Variants in ZSCAN18 observed in about 807,000 individuals in gnomAD.
ZSCAN18 encodes the protein zinc finger and SCAN domain-containing protein 18.
A neutral mutation model predicts 31.1 loss-of-function variants in ZSCAN18; 16 were observed. That is an observed-to-expected ratio of 0.51 (90% CI 0.35 to 0.78). The LOEUF (loss-of-function observed/expected upper bound fraction) is 0.78. Ranked by LOEUF, ZSCAN18 falls within the 30% of genes least tolerant of loss-of-function variation. ZSCAN18 has a pLI of 0.01. For synonymous variants in ZSCAN18, 375 were observed against 320.7 expected, an observed-to-expected ratio of 1.17 and a Z score of -1.81; for missense variants, 731 against 697.4, an observed-to-expected ratio of 1.05 and a Z score of -0.54.
intron 1 of ZSCAN18, chr19:58,097,787 C>A (rs1429049981): frequency 9.2e-6 from 1 of 109,144 alleles, no homozygotes; most frequent in Non-Finnish European, 1.9e-5. Context: ...TCCCCTCCCC[C>A]CTTTCTCCCC....
upstream of ZSCAN18, among the ~76,000 whole-genome samples, chr19:58,101,693 T>G (rs1348664128): frequency 1.3e-5 from 2 of 151,880 alleles, no homozygotes; most frequent in East Asian, 3.9e-4. Context: ...CTAATTTTTG[T>G]ATTTTTAGTA....
chr19:58,085,087 C>A lies in ZSCAN18; in HGVS notation c.1131G>T (p.Gly377=), dbSNP rs766313646. Residue 377 remains glycine, a synonymous_variant, in exon 7 of 7, where the codon GGG becomes GGT. Coordinates refer to ENST00000601144, the MANE Select transcript of ZSCAN18 (RefSeq NM_001145543.2). ...LGTKRPHPED[G]DGQSLEGVSS... The stretch of plus-strand genomic sequence containing the variant: ...AGACGCCCTCGAGGCTCTGCCCGTC[C>A]CCATCCTCGGGGTGCGGCCTCTTGG... 3.1e-6 allele frequency: 5 copies of A among 1,604,872 alleles called. No homozygotes were observed. In the East Asian group the frequency reaches 9.0e-5, roughly 29 times the overall value.
At position 58,087,313 on chromosome 19, in the gene ZSCAN18, C is replaced by T. The variant is rs1206993113; in HGVS notation, c.642+3G>A. ...CCTCACCCACCTGCTCGTGCCCACC[C>T]ACCTGCTCGGTGTTGGCAGGGCCGT... On this transcript the variant is annotated splice_donor_region_variant and intron_variant, in intron 4 of 6. Transcript: ENST00000601144. 1.9e-6 allele frequency: 3 copies of T among 1,602,292 alleles called. No homozygotes were observed. In the South Asian group the frequency reaches 3.4e-5, roughly 18 times the overall value.
At chr19:58,089,316 A>C (rs1382036929) in intron 2 of ZSCAN18, among the ~76,000 whole-genome samples, 6 of 95,948 alleles carry the variant, frequency 6.3e-5, no homozygotes, top group Admixed American at 2.0e-4. Flanking sequence ...AAAAAAAAAA[A>C]AAAAAAAAAA....
chr19:58,097,893 G>C (rs1302271249), intron 1 of ZSCAN18: 2 of 958,334 alleles, frequency 2.1e-6, no homozygotes, highest in Non-Finnish European at 2.4e-6. Context: ...TCCCCTCCAC[G>C]AGCCTACACG....
chr19:58,098,067 G>T, intron 1 of ZSCAN18, 107 bp downstream of exon 1: 2 of 985,568 alleles, frequency 2.0e-6, no homozygotes, highest in South Asian at 9.4e-5. Flanking sequence ...CCAACCCCGG[G>T]AACACCCTGG....
upstream of ZSCAN18, among the ~76,000 whole-genome samples, chr19:58,102,700 AC>A (rs1356469552): frequency 1.2e-4 from 7 of 58,416 alleles, no homozygotes; most frequent in Non-Finnish European, 3.6e-4. Flanking sequence ...CATCTCAGCA[AC>A]AAGATTTTTT....
rs143903534 is a variant in ZSCAN18 at position 58,103,550 on chromosome 19, T to A, written c.131-13164A>T. Among the ~76,000 whole-genome samples, 651 of 152,324 alleles carry A rather than the reference T, an allele frequency of 4.3e-3. 5 individuals carry two copies. The highest frequency in any genetic ancestry group is 0.015 in the African/African-American group (622 of 41,566). On this transcript the variant is annotated intron_variant, in intron 1 of 1. Transcript: ENST00000595721. The stretch of plus-strand genomic sequence containing the variant: ...TCTGGAGTGAAAGGAACCACGCCTA[T>A]ATAAGACAATGAACTCAGCAGATAA...
At chr19:58,107,395 A>G (rs2074643335) in intron 1 of ZSCAN18, among the ~76,000 whole-genome samples, 1 of 104,850 alleles carries the variant, frequency 9.5e-6, no homozygotes, top group Non-Finnish European at 2.6e-5. Context: ...TATCTCTACT[A>G]AAAAAAATAC....
chr19:58,111,615 T>G (rs568643826), intron 1 of ZSCAN18, among the ~76,000 whole-genome samples: 1 of 152,102 alleles, frequency 6.6e-6, no homozygotes, highest in East Asian at 1.9e-4. Flanking sequence ...TCCTCCCACC[T>G]TGACCTCCCA....
At chr19:58,104,961 A>G (rs2074624509) in intron 1 of ZSCAN18, among the ~76,000 whole-genome samples, 1 of 152,240 alleles carries the variant, frequency 6.6e-6, no homozygotes, top group East Asian at 1.9e-4. Context: ...TGTTTTCACA[A>G]CTAGAAAGAA....
intron 1 of ZSCAN18, among the ~76,000 whole-genome samples, chr19:58,103,558 A>G (rs1568642373): frequency 6.6e-6 from 1 of 152,192 alleles, no homozygotes; most frequent in African/African-American, 2.4e-5. Flanking sequence ...TATATAAGAC[A>G]ATGAACTCAG....
intron 2 of ZSCAN18, 71 bp from the exon 3 acceptor site, chr19:58,088,908 C>G: frequency 6.7e-7 from 1 of 1,494,384 alleles, no homozygotes; most frequent in Non-Finnish European, 9.1e-7. Flanking sequence ...CACAGTTAAA[C>G]CACAGGGACC....
At chr19:58,099,773 T>C (rs1313251497), upstream of ZSCAN18, among the ~76,000 whole-genome samples, 1 of 152,178 alleles carries the variant, frequency 6.6e-6, no homozygotes, top group Non-Finnish European at 1.5e-5. Context: ...TATTTTTTAT[T>C]TTGGCCATTC....
At chr19:58,109,287 G>C in intron 1 of ZSCAN18, 3 of 1,231,652 alleles carry the variant, frequency 2.4e-6, no homozygotes, top group Non-Finnish European at 3.0e-6. Flanking sequence ...GCTTCCATTT[G>C]ACTTTTGTTT....
At chr19:58,086,091 G>C in intron 6 of ZSCAN18, 83 bp downstream of exon 6, 1 of 1,173,870 alleles carries the variant, frequency 8.5e-7, no homozygotes. Flanking sequence ...TGCTGGGGCT[G>C]ATGGCGCTGG....
Position 58,088,885 on chromosome 19 carries a change from CCAA to C in ZSCAN18, c.404-51_404-49del, listed in dbSNP as rs755105260. 25 of 1,568,882 alleles carry C rather than the reference CCAA, an allele frequency of 1.6e-5. No individual in the cohort carries two copies. The East Asian group carries it at 5.6e-4, about 35-fold the overall frequency. On this transcript the variant is annotated intron_variant, in intron 2 of 6. Coordinates refer to ENST00000601144, the MANE Select transcript of ZSCAN18 (RefSeq NM_001145543.2). ...TGACCCCAAGAGGTCAGGACACGTG[CCAA>C]CAACAATCACACAGTTAAACCACAG...
intron 6 of ZSCAN18, chr19:58,085,590 C>T (rs2074262510): frequency 1.9e-6 from 1 of 536,464 alleles, no homozygotes; most frequent in Non-Finnish European, 3.2e-6. Context: ...GACCTGGAGG[C>T]CTCCAACAAC....
At chr19:58,114,222 C>T (rs1006844641) in intron 1 of ZSCAN18, among the ~76,000 whole-genome samples, 4 of 152,092 alleles carry the variant, frequency 2.6e-5, no homozygotes, top group Non-Finnish European at 5.9e-5. Flanking sequence ...GAGCCAAGAT[C>T]ATGCCATTGT....
Sources: allele counts gnomAD v4.1 joint callset (sites outside exome capture counted in the v4.1 genomes callset), GRCh38; gene constraint gnomAD v4.1.1; transcripts MANE v1.5; gene names NCBI Gene and HGNC (gene_info 2026-07-23, HGNC 2026-07-21).